LRRC47: variants seen among roughly 807,000 people sequenced by gnomAD.
The protein encoded by LRRC47 is leucine rich repeat containing 47.
LRRC47 carries 31 observed loss-of-function variants against 40.9 expected under a neutral mutation model. The ratio of observed to expected loss-of-function variants is 0.76; its 90% CI spans 0.57 to 1.02. LRRC47 has a LOEUF of 1.02. LRRC47 is among the 50% of genes least tolerant of loss of function. The pLI is 0.00. For missense variants in LRRC47, 726 were observed against 796.1 expected, an observed-to-expected ratio of 0.91 and a Z score of 1.06; for synonymous variants, 427 against 371.9, an observed-to-expected ratio of 1.15 and a Z score of -1.70.
chr1:3,787,102 G>C lies in LRRC47; in HGVS notation c.824C>G (p.Ser275Trp), dbSNP rs141393641. ...GGKGKGRAEG[S>W]EKEESRRKRR... ...CTTCCTCCGGCTCTCTTCCTTCTCC[G>C]AGCCCTCGGCACGGCCCTTGCCCTT... Residue 275 changes from serine (S) to tryptophan (W), a missense_variant, in exon 2 of 7, where the codon TCG (serine) becomes TGG (tryptophan). Physicochemically the swap from Ser to Trp is radical, Grantham distance 177. Transcript: ENST00000378251. 3 of 1,613,356 alleles carry C rather than the reference G, an allele frequency of 1.9e-6. No homozygotes were observed. The African/African-American group carries it at 4.0e-5, about 22-fold the overall frequency.
At position 3,784,127 on chromosome 1, in the gene LRRC47, C is replaced by T; in HGVS notation, c.1195-16G>A. 1.3e-6 allele frequency: 2 copies of T among 1,587,992 alleles called. No homozygotes were observed. The highest frequency in any genetic ancestry group is 1.1e-5 in the South Asian group (1 of 88,180). ...AGGGGACAATCTATCGGGCAGAAACCCACAAACTCCACTAGGGTCACAGCC... is the reference window on the plus strand; with the variant it reads ...AGGGGACAATCTATCGGGCAGAAACTCACAAACTCCACTAGGGTCACAGCC... On this transcript the variant is annotated splice_polypyrimidine_tract_variant and intron_variant, in intron 3 of 6. Transcript: ENST00000378251.
At chr1:3,785,371 C>A in intron 2 of LRRC47, 168 bp from the exon 3 acceptor site, 1 of 366,172 alleles carries the variant, frequency 2.7e-6, no homozygotes, top group Non-Finnish European at 4.9e-6. Context: ...CAACTCCTCT[C>A]CACCCGGCCA....
intron 2 of LRRC47, 125 bp downstream of exon 2, chr1:3,786,724 A>G: frequency 1.1e-6 from 1 of 905,652 alleles, no homozygotes; most frequent in East Asian, 2.7e-5. Context: ...TGAAGCACAC[A>G]GACACCCGGC....
In LRRC47 at chr1:3,795,883, G is replaced by A; in HGVS notation, c.594C>T (p.Ile198=). 1 of 1,592,088 alleles carries A rather than the reference G, an allele frequency of 6.3e-7. No homozygotes were observed. The highest frequency in any genetic ancestry group is 8.5e-7 in the Non-Finnish European group (1 of 1,174,324). Residue 198 remains isoleucine, a synonymous_variant, in exon 1 of 7, where the codon ATC becomes ATT. Transcript: ENST00000378251. ...DNCLRELSPD[I]AHLASLKTLD... ...TGACCTTGAGCGAGGCCAGGTGGGC[G>A]ATGTCGGGGCTGAGTTCTCGGAGGC...
Position 3,787,256 on chromosome 1 carries a change from A to G in LRRC47, c.670T>C (p.Cys224Arg). The change falls in exon 2 of 7, where the codon TGC becomes CGC. Residue 224 changes from cysteine (C) to arginine (R), a missense_variant. Coordinates refer to ENST00000378251, the MANE Select transcript of LRRC47 (RefSeq NM_020710.3). Reference protein sequence around the residue: ...LSEIPAELADCPKLKEINFRG... With the variant: ...LSEIPAELADRPKLKEINFRG... ...AAATTGATCTCCTTGAGCTTGGGGC[A>G]GTCCGCAAGCTCTGCAGGGATCTCG... is the stretch of plus-strand genomic sequence containing the variant. 6.2e-7 allele frequency: 1 copy of G among 1,613,486 alleles called. No homozygotes were observed. The highest frequency in any genetic ancestry group is 8.5e-7 in the Non-Finnish European group (1 of 1,180,032).
At chr1:3,781,441 G>A (rs1007708899) in intron 6 of LRRC47, 71 bp downstream of exon 6, 4 of 1,574,400 alleles carry the variant, frequency 2.5e-6, no homozygotes, top group African/African-American at 2.7e-5. Context: ...AGCAGGACGG[G>A]TGGGAAGTCA....
chr1:3,794,666 G>C (rs1295081412), intron 1 of LRRC47, among the ~76,000 whole-genome samples: 1 of 151,902 alleles, frequency 6.6e-6, no homozygotes, highest in East Asian at 1.9e-4. Flanking sequence ...TCCTTATATA[G>C]ATATGTTACT....
At chr1:3,791,965 G>C (rs1420159096) in intron 1 of LRRC47, among the ~76,000 whole-genome samples, 5 of 151,884 alleles carry the variant, frequency 3.3e-5, no homozygotes, top group Non-Finnish European at 7.4e-5. Context: ...TGTTGCCCAG[G>C]CTGGTCTCAA....
chr1:3,784,889 G>A (rs985517021), intron 3 of LRRC47, 198 bp downstream of exon 3: 1 of 333,840 alleles, frequency 3.0e-6, no homozygotes, highest in African/African-American at 2.2e-5. Flanking sequence ...CAGCTATTCG[G>A]GAGGCTGAAG....
rs202168763 is a variant in LRRC47, at chr1:3,795,984, G to A, written c.493C>T (p.Leu165=). 2 of 1,574,334 alleles carry A rather than the reference G, an allele frequency of 1.3e-6. No homozygotes were observed. The highest frequency in any genetic ancestry group is 1.3e-5 in the African/African-American group (1 of 74,526). Residue 165 remains leucine, a synonymous_variant, in exon 1 of 7, where the codon CTA becomes TTA. Coordinates refer to ENST00000378251, the MANE Select transcript of LRRC47 (RefSeq NM_020710.3). ...LQSLNLTGNC[L]DSFPAELFRP... is the part of the protein sequence containing the mutation. ...AAGAGCTCGGCGGGAAAGGAGTCTAGGCAATTGCCGGTGAGGTTGAGGCTC... is the reference window on the plus strand; with the variant it reads ...AAGAGCTCGGCGGGAAAGGAGTCTAAGCAATTGCCGGTGAGGTTGAGGCTC...
intron 1 of LRRC47, among the ~76,000 whole-genome samples, chr1:3,793,663 G>C (rs188147558): frequency 6.6e-6 from 1 of 152,160 alleles, no homozygotes; most frequent in African/African-American, 2.4e-5. Context: ...ACCTAAGACC[G>C]GCCTTCTGAG....
chr1:3,781,420 A>G, intron 6 of LRRC47, 84 bp from the exon 7 acceptor site: 1 of 1,575,374 alleles, frequency 6.3e-7, no homozygotes, highest in Non-Finnish European at 8.7e-7. Context: ...ACAGTAAGCA[A>G]AAAAGAGGCA....
chr1:3,784,512 C>T (rs1008412757), intron 3 of LRRC47, among the ~76,000 whole-genome samples: 4 of 152,210 alleles, frequency 2.6e-5, no homozygotes, highest in South Asian at 2.1e-4. Flanking sequence ...CCCACGCAAA[C>T]GGTTTTACTA....
chr1:3,782,766 G>C lies in LRRC47; in HGVS notation c.1311-3C>G. The C allele has an allele frequency of 6.5e-7, 1 of 1,536,998 alleles. No homozygotes were observed. The highest frequency in any genetic ancestry group is 1.1e-5 in the South Asian group (1 of 89,506). ...TTCCATCCAGCAAGTGAAGGTATCT[G>C]TATGGGAAGAAATACAAATTCCAGG... On this transcript the variant is annotated splice_region_variant and splice_polypyrimidine_tract_variant and intron_variant, in intron 4 of 6. Transcript: ENST00000378251.
rs999491375 is a variant in LRRC47, at chr1:3,779,887, TCTC to T, written c.*1198_*1200del. ...CTGCTTGCCTGAAGGGGTCTCCACA[TCTC>T]CACCCCCACAAAGCAATCCAACAGC... On this transcript the variant is annotated 3_prime_UTR_variant, in exon 7 of 7. Transcript: ENST00000378251. The T allele has an allele frequency of 6.6e-6, 1 of 151,956 alleles. No homozygotes were observed. The highest frequency in any genetic ancestry group is 2.4e-5 in the African/African-American group (1 of 41,310). The allele number at this position is 151,956 out of a possible 1,614,324, so 9.4% of individuals were successfully genotyped here.
chr1:3,781,456 G>A (rs1444413138), intron 6 of LRRC47, 56 bp downstream of exon 6: 85 of 1,581,882 alleles, frequency 5.4e-5, no homozygotes, highest in Admixed American at 2.4e-4. Flanking sequence ...AAGTCAAGGA[G>A]CAGAGCACCA....
chr1:3,796,482 C>A lies in LRRC47; in HGVS notation c.-6G>T. The A allele has an allele frequency of 6.6e-7, 1 of 1,505,096 alleles. No individual in the cohort carries two copies. Among genetic ancestry groups the A allele is most frequent in the East Asian group, 2.7e-5 (1 of 36,368 alleles). The allele number at this position is 1,505,096 out of a possible 1,614,324, so 93.2% of individuals were successfully genotyped here. A position where few individuals can be genotyped will look rare whatever the true frequency, so the allele number is the denominator to read the frequency against. On this transcript the variant is annotated 5_prime_UTR_variant, in exon 1 of 7. It adds an upstream start codon to the 5' untranslated region. Coordinates refer to ENST00000378251, the MANE Select transcript of LRRC47 (RefSeq NM_020710.3). ...GACACCGCTGCCGCCGCCATGGCGC[C>A]TCAGCTGCTGGCAGGCACCCACCCA... is the stretch of plus-strand genomic sequence containing the variant.
Position 3,796,239 on chromosome 1 carries a change from G to C in LRRC47, c.238C>G (p.Leu80Val). ...CCCAGCGCGTTGCGCCGCAGCACGA[G>C]GCTGTGCAGCTGCGGCAGGCCCTGC... ...LAQGLPQLHS[L>V]VLRRNALGPG... Residue 80 changes from leucine (L) to valine (V), a missense_variant, in exon 1 of 7, where the codon CTC becomes GTC. By Grantham distance (32) the Leu-to-Val change is conservative. Coordinates refer to ENST00000378251, the MANE Select transcript of LRRC47 (RefSeq NM_020710.3). 2 of 1,449,898 alleles carry C rather than the reference G, an allele frequency of 1.4e-6. No homozygotes were observed. The highest frequency in any genetic ancestry group is 1.8e-6 in the Non-Finnish European group (2 of 1,110,980). The allele number at this position is 1,449,898 out of a possible 1,614,324, so 89.8% of individuals were successfully genotyped here. A position where few individuals can be genotyped will look rare whatever the true frequency, so the allele number is the denominator to read the frequency against.
At chr1:3,791,698 C>T (rs1355893628) in intron 1 of LRRC47, among the ~76,000 whole-genome samples, 2 of 152,256 alleles carry the variant, frequency 1.3e-5, no homozygotes, top group South Asian at 2.1e-4. Flanking sequence ...TCAGGTGATC[C>T]GCCCGCCTCA....
Sources: allele counts gnomAD v4.1 joint callset (sites outside exome capture counted in the v4.1 genomes callset), GRCh38; gene constraint gnomAD v4.1.1; transcripts MANE v1.5; gene names NCBI Gene and HGNC (gene_info 2026-07-23, HGNC 2026-07-21).